The following ARHGAP42 variants were observed in gnomAD, a reference collection of about 807,000 sequenced individuals.
ARHGAP42 encodes Rho GTPase activating protein 42.
ARHGAP42 carries 63 observed loss-of-function variants against 125.0 expected under a neutral mutation model. The ratio of observed to expected loss-of-function variants is 0.50; its 90% CI spans 0.41 to 0.62. The LOEUF (loss-of-function observed/expected upper bound fraction) is 0.62, where lower values mean the gene tolerates loss of function less well. Ranked by LOEUF, ARHGAP42 falls within the 20% of genes least tolerant of loss-of-function variation. ARHGAP42 has a pLI of 0.00. For synonymous variants in ARHGAP42, 339 were observed against 351.0 expected (o/e 0.97, Z 0.38); for missense variants, 766 against 1,024.2 (o/e 0.75, Z 3.44).
At chr11:100,855,903 A>G (rs1369022340) in intron 3 of ARHGAP42, among the ~76,000 whole-genome samples, 1 of 152,148 alleles carries the variant, frequency 6.6e-6, no homozygotes, top group African/African-American at 2.4e-5. Context: ...GGTTTAGGTA[A>G]TGGCTAGTAA....
chr11:100,820,782 T>C (rs1053735954), intron 3 of ARHGAP42, among the ~76,000 whole-genome samples: 5 of 152,166 alleles, frequency 3.3e-5, no homozygotes, highest in Admixed American at 1.3e-4. Flanking sequence ...GTCTAATGTA[T>C]TGTTAGTTAC....
intron 2 of ARHGAP42, among the ~76,000 whole-genome samples, chr11:100,781,852 T>C (rs1863319906): frequency 6.6e-6 from 1 of 152,184 alleles, no homozygotes; most frequent in Non-Finnish European, 1.5e-5. Flanking sequence ...CCCACAGATA[T>C]TGACCTAATT....
chr11:100,988,738 G>A lies in ARHGAP42; in HGVS notation c.2562G>A (p.Trp854Ter). ...SNVYPSVEPG[W>*]LKATYEGKTG... Reference sequence around the variant, plus strand: ...TGTACCCATCAGTGGAACCAGGATGGTTAAAGGCAACTTATGAAGGCAAAA... The same window carrying A: ...TGTACCCATCAGTGGAACCAGGATGATTAAAGGCAACTTATGAAGGCAAAA... Residue 854 changes from tryptophan (W) to a stop codon, truncating the protein, a stop_gained, in exon 24 of 24, where the codon TGG becomes TGA. Transcript: ENST00000298815. LOFTEE classifies it high-confidence loss of function. 6.4e-7 allele frequency: 1 copy of A among 1,550,426 alleles called. No homozygotes were observed. Among genetic ancestry groups the A allele is most frequent in the Non-Finnish European group, 8.7e-7 (1 of 1,146,180 alleles).
At chr11:100,789,779 T>C (rs1863523885) in intron 2 of ARHGAP42, among the ~76,000 whole-genome samples, 1 of 152,242 alleles carries the variant, frequency 6.6e-6, no homozygotes, top group Non-Finnish European at 1.5e-5. Context: ...TTGGGCAGTC[T>C]AATAAAGTGA....
intron 4 of ARHGAP42, among the ~76,000 whole-genome samples, chr11:100,909,431 T>A (rs1487849899): frequency 6.6e-6 from 1 of 151,118 alleles, no homozygotes; most frequent in Non-Finnish European, 1.5e-5. Context: ...CTGCAACCTC[T>A]GCTCCAGGGT....
intron 1 of ARHGAP42, among the ~76,000 whole-genome samples, chr11:100,726,894 C>G (rs183444935): frequency 2.0e-5 from 3 of 152,302 alleles, no homozygotes; most frequent in Non-Finnish European, 4.4e-5. Flanking sequence ...TTCATCTAAC[C>G]TTGCTCAATT....
chr11:100,862,388 C>G lies in ARHGAP42; in HGVS notation c.384+2763C>G, dbSNP rs796095308. ...CACATATTCCAAGTTTTCTAGCCCCCAAAAAGAGTAAGTTTCATCTGTTTG... is the reference window on the plus strand; with the variant it reads ...CACATATTCCAAGTTTTCTAGCCCCGAAAAAGAGTAAGTTTCATCTGTTTG... On this transcript the variant is annotated intron_variant, in intron 4 of 23. Coordinates refer to ENST00000298815, the MANE Select transcript of ARHGAP42 (RefSeq NM_152432.4). 5.9e-5 allele frequency among the ~76,000 whole-genome samples: 9 copies of G among 152,120 alleles called. No individual in the cohort carries two copies. In the South Asian group the frequency reaches 1.7e-3, roughly 28 times the overall value.
intron 1 of ARHGAP42, among the ~76,000 whole-genome samples, chr11:100,750,769 G>T (rs566418999): frequency 6.6e-6 from 1 of 152,252 alleles, no homozygotes; most frequent in South Asian, 2.1e-4. Context: ...ATCGAATATG[G>T]TTGCTTTATA....
chr11:100,748,589 GATA>G (rs1762542495), intron 1 of ARHGAP42, among the ~76,000 whole-genome samples: 1 of 146,868 alleles, frequency 6.8e-6, no homozygotes. Flanking sequence ...TTTGACTTAG[GATA>G]GTGCTGACCT....
rs564367271 is a variant in ARHGAP42 at position 100,795,284 on chromosome 11, A to G, written c.312+118A>G. 163 of 601,952 alleles carry G rather than the reference A, an allele frequency of 2.7e-4. 2 individuals carry two copies. In the South Asian group the frequency reaches 5.3e-3, roughly 20 times the overall value. 37.3% of individuals were successfully genotyped at this position (601,952 alleles called of 1,614,324 possible). On this transcript the variant is annotated intron_variant, in intron 3 of 23. Coordinates refer to ENST00000298815, the MANE Select transcript of ARHGAP42 (RefSeq NM_152432.4). ...GGCCTTATGATTTGACACGTCTACT[A>G]ATTTTTACATGTATTTTTGAAAAGA...
chr11:100,876,425 T>A (rs1865826240), intron 4 of ARHGAP42, among the ~76,000 whole-genome samples: 1 of 152,214 alleles, frequency 6.6e-6, no homozygotes, highest in Non-Finnish European at 1.5e-5. Context: ...GTAAAAACAC[T>A]TTACAATCAG....
intron 16 of ARHGAP42, among the ~76,000 whole-genome samples, chr11:100,964,598 A>G (rs1858042076): frequency 6.6e-6 from 1 of 152,174 alleles, no homozygotes; most frequent in Admixed American, 6.5e-5. Flanking sequence ...ATAGTGGGCA[A>G]TCATCCCAGA....
chr11:100,887,908 C>T (rs1453026515), intron 4 of ARHGAP42, among the ~76,000 whole-genome samples: 1 of 152,236 alleles, frequency 6.6e-6, no homozygotes, highest in African/African-American at 2.4e-5. Context: ...GAGATCCCCA[C>T]TGAGTGAGCC....
intron 4 of ARHGAP42, among the ~76,000 whole-genome samples, chr11:100,883,416 C>A (rs1297524704): frequency 2.0e-5 from 3 of 152,178 alleles, no homozygotes; most frequent in Non-Finnish European, 4.4e-5. Context: ...GATCTTGGCT[C>A]ACTGCATTCT....
chr11:100,696,313 G>A (rs959865407), intron 1 of ARHGAP42, among the ~76,000 whole-genome samples: 1 of 152,050 alleles, frequency 6.6e-6, no homozygotes. Context: ...CCAATTTTTA[G>A]ATTCTATGGT....
At chr11:100,748,110 T>G (rs143621403) in intron 1 of ARHGAP42, among the ~76,000 whole-genome samples, 151 of 152,336 alleles carry the variant, frequency 9.9e-4, no homozygotes, top group Non-Finnish European at 1.8e-3. Context: ...CTGTTAACTT[T>G]TAGCAAACTT....
chr11:100,939,977 C>T (rs1402054401), intron 8 of ARHGAP42, among the ~76,000 whole-genome samples: 2 of 152,170 alleles, frequency 1.3e-5, no homozygotes, highest in Non-Finnish European at 2.9e-5. Context: ...ACGAGAATTT[C>T]TATCCAGTCA....
chr11:100,874,166 TG>T lies in ARHGAP42; in HGVS notation c.384+14542del, dbSNP rs150418167. Among the ~76,000 whole-genome samples the T allele has an allele frequency of 6.2e-3, 938 of 152,226 alleles. 7 individuals are homozygous for T. The highest frequency in any genetic ancestry group is 0.021 in the African/African-American group (888 of 41,540). ...ATACGGATGTTCAGAGCTGGACGTC[TG>T]TGCAAAAAAGGGACCAAACAGGAGA... On this transcript the variant is annotated intron_variant, in intron 4 of 23. Coordinates refer to ENST00000298815, the MANE Select transcript of ARHGAP42 (RefSeq NM_152432.4).
At chr11:100,902,866 T>C (rs1866589520) in intron 4 of ARHGAP42, among the ~76,000 whole-genome samples, 1 of 152,140 alleles carries the variant, frequency 6.6e-6, no homozygotes, top group African/African-American at 2.4e-5. Flanking sequence ...AGGAGAGTTC[T>C]TGTTCCATGG....
Sources: allele counts gnomAD v4.1 joint callset (sites outside exome capture counted in the v4.1 genomes callset), GRCh38; gene constraint gnomAD v4.1.1; transcripts MANE v1.5; gene names NCBI Gene and HGNC (gene_info 2026-07-23, HGNC 2026-07-21).